The following RIT2 variants were observed in gnomAD, a reference collection of about 807,000 sequenced individuals.
The protein encoded by RIT2 is Ras like without CAAX 2.
In RIT2, 24 loss-of-function variants were observed where a neutral mutation model predicts 23.7. That is an observed-to-expected ratio of 1.01 (90% CI 0.73 to 1.43). The LOEUF (loss-of-function observed/expected upper bound fraction) is 1.43. RIT2 is among the 40% of genes most tolerant of loss of function. The probability of loss-of-function intolerance (pLI) is 0.00; values close to 1 mark genes in which losing one functional copy is unlikely to be tolerated. For synonymous variants in RIT2, 107 were observed against 91.1 expected (o/e 1.17, Z -0.99); for missense variants, 236 against 266.9 (o/e 0.88, Z 0.81).
intron 4 of RIT2, among the ~76,000 whole-genome samples, chr18:42,765,368 T>A (rs1470762472): frequency 6.6e-6 from 1 of 152,222 alleles, no homozygotes; most frequent in African/African-American, 2.4e-5. Context: ...ACATACAGCC[T>A]GTCCTCATGA....
At chr18:42,932,380 A>G (rs1295408919) in intron 3 of RIT2, among the ~76,000 whole-genome samples, 1 of 152,142 alleles carries the variant, frequency 6.6e-6, no homozygotes, top group Non-Finnish European at 1.5e-5. Flanking sequence ...TAAGTACTGC[A>G]TTTATTCTGC....
chr18:42,923,391 T>A, intron 4 of RIT2, 181 bp downstream of exon 4: 1 of 634,664 alleles, frequency 1.6e-6, no homozygotes, highest in Non-Finnish European at 2.8e-6. Flanking sequence ...ATAGCATATG[T>A]GGTAAAATAT....
At chr18:42,934,567 T>A (rs1397913457) in intron 3 of RIT2, among the ~76,000 whole-genome samples, 2 of 152,162 alleles carry the variant, frequency 1.3e-5, no homozygotes, top group Non-Finnish European at 2.9e-5. Context: ...TTAATAGTTT[T>A]TTCAAATTGT....
chr18:43,047,110 T>C (rs1207001562), intron 1 of RIT2, among the ~76,000 whole-genome samples: 2 of 152,202 alleles, frequency 1.3e-5, no homozygotes, highest in Non-Finnish European at 2.9e-5. Flanking sequence ...CTTGGACTAG[T>C]TGTCTGTATG....
In RIT2 at chr18:42,856,985, C is replaced by G. The variant is rs544844118; in HGVS notation, c.426+66587G>C. Among the ~76,000 whole-genome samples, 13 of 151,888 alleles carry G rather than the reference C, an allele frequency of 8.6e-5. No individual in the cohort carries two copies. In the South Asian group the frequency reaches 2.5e-3, roughly 29 times the overall value. On this transcript the variant is annotated intron_variant, in intron 4 of 4. Coordinates refer to ENST00000326695, the MANE Select transcript of RIT2 (RefSeq NM_002930.4). The stretch of plus-strand genomic sequence containing the variant: ...CTGGGACCACAGGCACCCGCCACCA[C>G]GCCCGGCTAATTTTTTGTATTTTTA...
intron 3 of RIT2, among the ~76,000 whole-genome samples, chr18:42,946,255 G>C (rs1909724549): frequency 6.6e-6 from 1 of 152,050 alleles, no homozygotes; most frequent in South Asian, 2.1e-4. Flanking sequence ...ACAGCTTGCT[G>C]AACCTCAAAA....
rs537907523 is a variant in RIT2 at position 42,928,914 on chromosome 18, G to A, written c.235-5151C>T. ...ATTTTGAGGAATGCATTTTATCATGGAATACTGCTTGCACTTTGCCTAACT... is the reference window on the plus strand; with the variant it reads ...ATTTTGAGGAATGCATTTTATCATGAAATACTGCTTGCACTTTGCCTAACT... On this transcript the variant is annotated intron_variant, in intron 3 of 4. Coordinates refer to ENST00000326695, the MANE Select transcript of RIT2 (RefSeq NM_002930.4). Among the ~76,000 whole-genome samples the A allele has an allele frequency of 4.8e-4, 72 of 151,118 alleles. 1 individual carries two copies. Among genetic ancestry groups the A allele is most frequent in the African/African-American group, 1.9e-4 (8 of 41,292 alleles).
chr18:42,767,848 G>T (rs1367671296), intron 4 of RIT2, among the ~76,000 whole-genome samples: 1 of 152,032 alleles, frequency 6.6e-6, no homozygotes, highest in Non-Finnish European at 1.5e-5. Flanking sequence ...GTTTATCAGG[G>T]GTTTCCACTT....
chr18:42,773,197 A>G (rs974227832), intron 4 of RIT2, among the ~76,000 whole-genome samples: 14 of 152,190 alleles, frequency 9.2e-5, no homozygotes, highest in Non-Finnish European at 1.9e-4. Flanking sequence ...AAAACTCCTG[A>G]TATTTATGAA....
At chr18:43,046,083 A>G (rs917120785) in intron 1 of RIT2, among the ~76,000 whole-genome samples, 1 of 152,166 alleles carries the variant, frequency 6.6e-6, no homozygotes, top group Admixed American at 6.6e-5. Flanking sequence ...TGTCAGATGC[A>G]AGATAGGCAG....
chr18:43,110,675 T>C (rs1913932305), intron 1 of RIT2, among the ~76,000 whole-genome samples: 1 of 152,124 alleles, frequency 6.6e-6, no homozygotes, highest in Non-Finnish European at 1.5e-5. Flanking sequence ...TGAACTTTAT[T>C]GGATAATTTG....
chr18:42,905,711 G>A (rs1908594478), intron 4 of RIT2, among the ~76,000 whole-genome samples: 1 of 151,968 alleles, frequency 6.6e-6, no homozygotes, highest in Non-Finnish European at 1.5e-5. Context: ...GACCTCAGGT[G>A]ATCTGCCCAC....
intron 3 of RIT2, among the ~76,000 whole-genome samples, chr18:42,971,556 G>A (rs995655786): frequency 1.3e-5 from 2 of 151,894 alleles, no homozygotes; most frequent in Non-Finnish European, 2.9e-5. Flanking sequence ...ATTCTGTATT[G>A]CTCAGCTATT....
rs1044477620 is a variant in RIT2 at position 43,107,754 on chromosome 18, C to G, written c.103+7663G>C. On this transcript the variant is annotated intron_variant, in intron 1 of 4. Transcript: ENST00000326695. Reference sequence around the variant, plus strand: ...ATGCTAAATTGTTTAGTCAGAGCTCCTCATGCCACTCACTACCCCATCTAA... The same window carrying G: ...ATGCTAAATTGTTTAGTCAGAGCTCGTCATGCCACTCACTACCCCATCTAA... Among the ~76,000 whole-genome samples, 3 of 152,146 alleles carry G rather than the reference C, an allele frequency of 2.0e-5. No homozygotes were observed. The East Asian group carries it at 5.8e-4, about 29-fold the overall frequency.
intron 1 of RIT2, among the ~76,000 whole-genome samples, chr18:43,106,328 A>G (rs528838308): frequency 1.3e-5 from 2 of 152,232 alleles, no homozygotes; most frequent in African/African-American, 4.8e-5. Flanking sequence ...GCATATTAAG[A>G]GGAAATGTGA....
At chr18:42,753,464 C>T (rs575135918) in intron 4 of RIT2, among the ~76,000 whole-genome samples, 1 of 152,130 alleles carries the variant, frequency 6.6e-6, no homozygotes, top group Non-Finnish European at 1.5e-5. Flanking sequence ...CCAACAGAAG[C>T]TTTGCAAGCA....
At chr18:43,065,201 C>T (rs140068781) in intron 1 of RIT2, among the ~76,000 whole-genome samples, 388 of 145,158 alleles carry the variant, frequency 2.7e-3, no homozygotes, top group Admixed American at 4.6e-3. Context: ...TGTTCAGCTT[C>T]ACTTTCACTT....
At position 42,948,768 on chromosome 18, in the gene RIT2, G is replaced by A. The variant is rs527683459; in HGVS notation, c.235-25005C>T. ...AGTTGGGGCACTGCTCCCTCAGCTG[G>A]AGCAAACCAAAAGCATGCAAAACGC... is the stretch of plus-strand genomic sequence containing the variant. On this transcript the variant is annotated intron_variant, in intron 3 of 4. Transcript: ENST00000326695. 1.8e-4 allele frequency among the ~76,000 whole-genome samples: 27 copies of A among 152,150 alleles called. No individual in the cohort carries two copies. In the South Asian group the frequency reaches 2.7e-3, roughly 15 times the overall value.
chr18:42,872,600 G>A (rs1907647755), intron 4 of RIT2, among the ~76,000 whole-genome samples: 1 of 152,124 alleles, frequency 6.6e-6, no homozygotes, highest in Non-Finnish European at 1.5e-5. Context: ...ATACACAACA[G>A]TTCTGTTTAT....
Sources: allele counts gnomAD v4.1 joint callset (sites outside exome capture counted in the v4.1 genomes callset), GRCh38; gene constraint gnomAD v4.1.1; transcripts MANE v1.5; gene names NCBI Gene and HGNC (gene_info 2026-07-23, HGNC 2026-07-21).